KANSL1: variants seen among roughly 807,000 people sequenced by gnomAD.
KANSL1 encodes the protein KAT8 regulatory NSL complex subunit 1, also known as MLL1/MLL complex subunit KANSL1.
Under a neutral mutation model 103.6 loss-of-function variants are expected in KANSL1, and 22 were observed. The observed-to-expected ratio is 0.21, with a 90% CI of 0.15 to 0.30. The LOEUF is 0.30. Ranked by LOEUF, KANSL1 falls within the 10% of genes least tolerant of loss-of-function variation. The pLI is 1.00. For synonymous variants in KANSL1, 600 were observed against 527.6 expected (o/e 1.14, Z -1.88); for missense variants, 1,337 against 1,399.8 (o/e 0.96, Z 0.72).
chr17:46,224,415 G>A (rs1214359228), upstream of KANSL1: 1 of 150,722 alleles, frequency 6.6e-6, no homozygotes, highest in Non-Finnish European at 1.5e-5. Context: ...TTCAAGTCCT[G>A]GGCCTGTATA....
At chr17:46,034,515 C>T in intron 10 of KANSL1, 1 of 452,272 alleles carries the variant, frequency 2.2e-6, no homozygotes, top group Non-Finnish European at 4.0e-6. Flanking sequence ...ATAAGTCCCA[C>T]TGGTCACCCT....
At chr17:46,081,933 A>T (rs2079001700) in intron 4 of KANSL1, among the ~76,000 whole-genome samples, 1 of 152,214 alleles carries the variant, frequency 6.6e-6, no homozygotes. Flanking sequence ...TGGTATTGAG[A>T]GAAACCAGGA....
chr17:46,065,825 C>T (rs59407589), intron 6 of KANSL1, among the ~76,000 whole-genome samples: 1 of 152,264 alleles, frequency 6.6e-6, no homozygotes, highest in Non-Finnish European at 1.5e-5. Context: ...TTTGTGAAGA[C>T]AAACTTTTTT....
rs545051917 is a variant in KANSL1, at chr17:46,097,981, CTT to C, written c.1290-3282_1290-3281del. ...ACTGTGATAATTATCAATTATGTCT[CTT>C]CTTTTAGAAAGAAAACATTTTACAG... On this transcript the variant is annotated intron_variant, in intron 2 of 14. Transcript: ENST00000432791. 5.1e-4 allele frequency among the ~76,000 whole-genome samples: 76 copies of C among 149,706 alleles called. 11 individuals are homozygous for C. Among genetic ancestry groups the C allele is most frequent in the African/African-American group, 1.9e-3 (74 of 39,062 alleles).
At chr17:46,062,134 A>AAAAAAAAC (rs67483415) in intron 6 of KANSL1, among the ~76,000 whole-genome samples, 9 of 132,748 alleles carry the variant, frequency 6.8e-5, no homozygotes, top group Non-Finnish European at 9.8e-5. Flanking sequence ...AAAAAAAAAA[A>AAAAAAAAC]CATGTTACAG....
At chr17:46,189,657 G>A (rs948359771) in intron 1 of KANSL1, among the ~76,000 whole-genome samples, 1 of 152,170 alleles carries the variant, frequency 6.6e-6, no homozygotes, top group Non-Finnish European at 1.5e-5. Context: ...GCCGAGGCAG[G>A]TGGATCACTT....
At chr17:46,078,030 A>G (rs1022028456) in intron 4 of KANSL1, among the ~76,000 whole-genome samples, 16 of 152,162 alleles carry the variant, frequency 1.1e-4, no homozygotes, top group African/African-American at 3.1e-4. Context: ...TATGCAATAC[A>G]TTATAGAGAC....
intron 2 of KANSL1, among the ~76,000 whole-genome samples, chr17:46,131,996 G>A (rs555571360): frequency 9.2e-5 from 14 of 152,078 alleles, no homozygotes; most frequent in Admixed American, 5.2e-4. Context: ...GCATGACGGC[G>A]CGTGCCTGTA....
At chr17:46,203,249 G>GA in intron 1 of KANSL1, among the ~76,000 whole-genome samples, 1 of 152,078 alleles carries the variant, frequency 6.6e-6, no homozygotes, top group East Asian at 1.9e-4. Context: ...CAAAAAAAAA[G>GA]AAAGAAATCC....
intron 2 of KANSL1, among the ~76,000 whole-genome samples, chr17:46,145,655 T>C (rs976597558): frequency 6.6e-6 from 1 of 152,256 alleles, no homozygotes; most frequent in Non-Finnish European, 1.5e-5. Flanking sequence ...ACCCCTTCTG[T>C]TATGAACTAG....
intron 2 of KANSL1, among the ~76,000 whole-genome samples, chr17:46,140,092 T>C (rs1446109211): frequency 6.6e-6 from 1 of 152,090 alleles, no homozygotes; most frequent in Non-Finnish European, 1.5e-5. Flanking sequence ...CCCTCAGAAA[T>C]AATCACTGTT....
intron 1 of KANSL1, chr17:46,221,942 T>C (rs1296930835): frequency 1.3e-5 from 2 of 152,216 alleles, no homozygotes; most frequent in Non-Finnish European, 2.9e-5. Context: ...ACAAACTCAA[T>C]GCTATCCTCC....
intron 3 of KANSL1, among the ~76,000 whole-genome samples, chr17:46,087,931 CA>C (rs2079226303): frequency 6.6e-6 from 1 of 152,234 alleles, no homozygotes; most frequent in Non-Finnish European, 1.5e-5. Context: ...CCTAACATTC[CA>C]GGTTTAAACT....
rs372810208 is a variant in KANSL1 at position 46,144,988 on chromosome 17, G to GTTTC, written c.1289+25863_1289+25866dup. ...CCAGGAGTTGGATATTCTAAACTGG[G>GTTTC]TTTCTGATTCTTAACAGTGAGAATG... is the stretch of plus-strand genomic sequence containing the variant. On this transcript the variant is annotated intron_variant, in intron 2 of 14. Transcript: ENST00000432791. Among the ~76,000 whole-genome samples the GTTTC allele has an allele frequency of 1.4e-3, 212 of 152,314 alleles. 1 individual carries two copies. Among genetic ancestry groups the GTTTC allele is most frequent in the African/African-American group, 5.0e-3 (208 of 41,552 alleles).
chr17:46,166,328 A>G (rs57325341), intron 2 of KANSL1, among the ~76,000 whole-genome samples: 8,241 of 152,128 alleles, frequency 0.054, 748 homozygotes, highest in African/African-American at 0.19. Flanking sequence ...CCTGAGCAAC[A>G]TGGCAAAACC....
intron 6 of KANSL1, among the ~76,000 whole-genome samples, chr17:46,061,990 G>A (rs935897304): frequency 4.6e-5 from 7 of 151,232 alleles, no homozygotes; most frequent in South Asian, 2.1e-4. Context: ...TACTCAGGAG[G>A]CTGAGGCAGG....
chr17:46,123,863 A>C lies in KANSL1; in HGVS notation c.1290-29162T>G, dbSNP rs189596649. On this transcript the variant is annotated intron_variant, in intron 2 of 14. Transcript: ENST00000432791. The stretch of plus-strand genomic sequence containing the variant: ...GAAGATCTAGCTAAGATCATCGATG[A>C]AGATGGCTCCATTAAACAACATGTC... 4.6e-5 allele frequency among the ~76,000 whole-genome samples: 7 copies of C among 152,372 alleles called. 1 individual carries two copies. Among genetic ancestry groups the C allele is most frequent in the Admixed American group, 1.3e-4 (2 of 15,308 alleles).
At chr17:46,107,889 A>G (rs143182561) in intron 2 of KANSL1, among the ~76,000 whole-genome samples, 4 of 152,122 alleles carry the variant, frequency 2.6e-5, no homozygotes, top group Non-Finnish European at 5.9e-5. Context: ...CACCACCTCT[A>G]TCTCTCTCAT....
At chr17:46,125,025 AG>A (rs1448857192) in intron 2 of KANSL1, among the ~76,000 whole-genome samples, 50 of 97,764 alleles carry the variant, frequency 5.1e-4, no homozygotes, top group South Asian at 2.2e-3. Flanking sequence ...AAGGGAAGGG[AG>A]GGGAGGTAGG....
Sources: gnomAD v4.1 joint callset for allele counts (sites outside exome capture counted in the v4.1 genomes callset) on GRCh38, gnomAD v4.1.1 for gene constraint, MANE v1.5 for transcripts, NCBI Gene and HGNC (gene_info 2026-07-23, HGNC 2026-07-21) for gene names.